Variants in CSMD1 observed in about 807,000 individuals in gnomAD.
CSMD1 encodes the protein CUB and Sushi multiple domains 1.
In CSMD1, 213 loss-of-function variants were observed where a neutral mutation model predicts 417.5. The ratio of observed to expected loss-of-function variants is 0.51; its 90% CI spans 0.46 to 0.57. The LOEUF is 0.57. CSMD1 is among the 20% of genes least tolerant of loss of function. The pLI, the probability that CSMD1 is intolerant of heterozygous loss-of-function variation, is 0.00. For synonymous variants in CSMD1, 2,862 were observed against 1,736.8 expected (o/e 1.65, Z -16.11); for missense variants, 6,923 against 4,529.7 (o/e 1.53, Z -15.17).
At chr8:4,096,771 A>G (rs533109878) in intron 3 of CSMD1, among the ~76,000 whole-genome samples, 5 of 151,032 alleles carry the variant, frequency 3.3e-5, no homozygotes, top group Admixed American at 6.6e-5. Flanking sequence ...TGCAATTTAG[A>G]AGACACTTGC....
At chr8:3,271,768 G>C (rs896557133) in intron 26 of CSMD1, among the ~76,000 whole-genome samples, 3 of 151,980 alleles carry the variant, frequency 2.0e-5, no homozygotes. Context: ...CCCACTTTTT[G>C]ATGGGGTTGT....
chr8:4,936,719 T>A (rs114170551), intron 1 of CSMD1, among the ~76,000 whole-genome samples: 1 of 152,178 alleles, frequency 6.6e-6, no homozygotes, highest in African/African-American at 2.4e-5. Flanking sequence ...TAAACATCAA[T>A]GTTAATAGGC....
At chr8:4,120,801 G>C (rs1240446779) in intron 3 of CSMD1, among the ~76,000 whole-genome samples, 1 of 152,200 alleles carries the variant, frequency 6.6e-6, no homozygotes, top group Non-Finnish European at 1.5e-5. Context: ...AAAGACAGAA[G>C]CTCATGACAT....
intron 49 of CSMD1, among the ~76,000 whole-genome samples, chr8:3,074,776 T>C (rs1462828208): frequency 6.6e-6 from 1 of 152,236 alleles, no homozygotes; most frequent in Admixed American, 6.5e-5. Context: ...AATTTTTGGA[T>C]ATAAAATAAT....
At chr8:3,720,620 T>TAC (rs1554520854) in intron 6 of CSMD1, among the ~76,000 whole-genome samples, 12,609 of 143,192 alleles carry the variant, frequency 0.088, 614 homozygotes, top group East Asian at 0.16. Flanking sequence ...TCTTTATTCT[T>TAC]ACACACACAC....
At chr8:3,669,582 C>T (rs915154521) in intron 7 of CSMD1, among the ~76,000 whole-genome samples, 7 of 152,162 alleles carry the variant, frequency 4.6e-5, no homozygotes, top group East Asian at 1.9e-4. Context: ...CTGAATGAGA[C>T]TCTTCCGGAC....
At chr8:4,829,911 T>C (rs953556976) in intron 1 of CSMD1, among the ~76,000 whole-genome samples, 1 of 152,144 alleles carries the variant, frequency 6.6e-6, no homozygotes, top group Non-Finnish European at 1.5e-5. Context: ...AATGCCACCG[T>C]TGCCCTGTTT....
At chr8:3,394,036 A>G (rs1298109360) in intron 17 of CSMD1, among the ~76,000 whole-genome samples, 1 of 102,368 alleles carries the variant, frequency 9.8e-6, no homozygotes, top group Non-Finnish European at 2.2e-5. Context: ...ATATATATAT[A>G]TATATATATA....
intron 6 of CSMD1, among the ~76,000 whole-genome samples, chr8:3,724,573 G>T (rs985898159): frequency 1.3e-5 from 2 of 152,060 alleles, no homozygotes; most frequent in African/African-American, 2.4e-5. Context: ...CTTCCTCTGG[G>T]CTGGGAGAGG....
chr8:3,466,775 T>A (rs1431154535), intron 12 of CSMD1, among the ~76,000 whole-genome samples: 1 of 152,100 alleles, frequency 6.6e-6, no homozygotes, highest in Non-Finnish European at 1.5e-5. Context: ...TTGAGTCAAA[T>A]AATATAAAAT....
At chr8:4,534,846 T>C (rs957097576) in intron 2 of CSMD1, among the ~76,000 whole-genome samples, 1 of 152,102 alleles carries the variant, frequency 6.6e-6, no homozygotes, top group Non-Finnish European at 1.5e-5. Context: ...CGATGCAAGC[T>C]CCGCCTCCCG....
intron 3 of CSMD1, among the ~76,000 whole-genome samples, chr8:4,403,085 C>T (rs892835980): frequency 6.6e-6 from 1 of 152,058 alleles, no homozygotes; most frequent in East Asian, 1.9e-4. Flanking sequence ...CTCGCCTCAG[C>T]CTCCCAAAGT....
chr8:3,709,617 C>G (rs1282238020), intron 6 of CSMD1, among the ~76,000 whole-genome samples: 4 of 147,496 alleles, frequency 2.7e-5, no homozygotes, highest in African/African-American at 7.5e-5. Flanking sequence ...GAACAAAAGG[C>G]TGATCTGCCC....
intron 23 of CSMD1, among the ~76,000 whole-genome samples, chr8:3,320,017 A>G (rs979166252): frequency 6.6e-6 from 1 of 152,132 alleles, no homozygotes; most frequent in Non-Finnish European, 1.5e-5. Context: ...CCGGGCCCCA[A>G]CTTCAGGAGT....
At position 4,420,043 on chromosome 8, in the gene CSMD1, A is replaced by T. The variant is rs1248928130; in HGVS notation, c.325T>A (p.Ser109Thr). The T allele has an allele frequency of 1.3e-6, 2 of 1,572,262 alleles. No individual in the cohort carries two copies. The highest frequency in any genetic ancestry group is 8.6e-7 in the Non-Finnish European group (1 of 1,157,140). The change falls in exon 3 of 70, where the codon TCC (serine) becomes ACC (threonine). Residue 109 changes from serine (S) to threonine (T), a missense_variant. Transcript: ENST00000635120. ...KVRLSGFQLPSSIVSTGSILT... is the reference protein window; with the variant it reads ...KVRLSGFQLPTSIVSTGSILT... ...ATAGATCCTGTACTCACTATAGAGG[A>T]GGGCAGCTGAAATCCCGATAATCTA...
chr8:3,180,577 T>G (rs1446682749), intron 37 of CSMD1, among the ~76,000 whole-genome samples: 1 of 152,178 alleles, frequency 6.6e-6, no homozygotes, highest in East Asian at 1.9e-4. Flanking sequence ...TCTAATTACT[T>G]GAGATTTGAA....
At chr8:4,761,923 C>CTATCTATG (rs1563319846) in intron 1 of CSMD1, among the ~76,000 whole-genome samples, 4 of 144,878 alleles carry the variant, frequency 2.8e-5, no homozygotes, top group African/African-American at 1.1e-4. Flanking sequence ...ATCTATCTAT[C>CTATCTATG]TATCTATCTA....
At chr8:3,467,648 G>T (rs568692097) in intron 12 of CSMD1, among the ~76,000 whole-genome samples, 1 of 152,046 alleles carries the variant, frequency 6.6e-6, no homozygotes, top group Non-Finnish European at 1.5e-5. Context: ...GATACTCCGG[G>T]GTGGGCCCAC....
intron 37 of CSMD1, among the ~76,000 whole-genome samples, chr8:3,166,898 G>C (rs184989267): frequency 6.6e-6 from 1 of 152,180 alleles, no homozygotes; most frequent in Admixed American, 6.5e-5. Context: ...ATTTTCAAGA[G>C]AAATAATTTG....
Sources: gnomAD v4.1 joint callset for allele counts (sites outside exome capture counted in the v4.1 genomes callset) on GRCh38, gnomAD v4.1.1 for gene constraint, MANE v1.5 for transcripts, NCBI Gene and HGNC (gene_info 2026-07-23, HGNC 2026-07-21) for gene names.